SORBS2: variants seen among roughly 807,000 people sequenced by gnomAD.
The protein encoded by SORBS2 is sorbin and SH3 domain-containing protein 2.
A neutral mutation model predicts 97.7 loss-of-function variants in SORBS2; 46 were observed. The observed-to-expected ratio is 0.47, with a 90% confidence interval of 0.37 to 0.60. The LOEUF (loss-of-function observed/expected upper bound fraction) is 0.60, where lower values mean the gene tolerates loss of function less well. Ranked by LOEUF, SORBS2 falls within the 20% of genes least tolerant of loss-of-function variation. The pLI, the probability that SORBS2 is intolerant of heterozygous loss-of-function variation, is 0.00. For missense variants in SORBS2, 1,316 were observed against 1,282.3 expected (o/e 1.03, Z -0.40); for synonymous variants, 476 against 473.4 (o/e 1.01, Z -0.07).
rs188120244 is a variant in SORBS2 at position 185,952,248 on chromosome 4, G to A, written c.-338+3948C>T. 1.2e-3 allele frequency among the ~76,000 whole-genome samples: 188 copies of A among 152,164 alleles called. 1 individual carries two copies. The highest frequency in any genetic ancestry group is 3.5e-3 in the Admixed American group (54 of 15,290). ...TCACCATGTTGGCCAGGCTGGTCTC[G>A]AACTCCTGACCTCAAGAAATCCACC... On this transcript the variant is annotated intron_variant, in intron 1 of 20. Transcript: ENST00000284776.
At chr4:185,710,962 C>G (rs2098414760) in intron 2 of SORBS2, among the ~76,000 whole-genome samples, 1 of 151,634 alleles carries the variant, frequency 6.6e-6, no homozygotes, top group Non-Finnish European at 1.5e-5. Context: ...TTTGGGATAA[C>G]TTTATTTTAT....
At chr4:185,663,453 A>G (rs1446010135) in intron 4 of SORBS2, among the ~76,000 whole-genome samples, 3 of 152,200 alleles carry the variant, frequency 2.0e-5, no homozygotes, top group Non-Finnish European at 4.4e-5. Flanking sequence ...CCTTGTGCTT[A>G]TTGATTAAAT....
At chr4:185,677,508 T>C (rs778291511) in intron 4 of SORBS2, 1 of 1,551,646 alleles carries the variant, frequency 6.4e-7, no homozygotes, top group Non-Finnish European at 8.7e-7. Context: ...AAGAGGTTTT[T>C]TGTTAGCAAA....
chr4:185,934,460 T>A (rs979680336), intron 1 of SORBS2, among the ~76,000 whole-genome samples: 1 of 152,020 alleles, frequency 6.6e-6, no homozygotes, highest in African/African-American at 2.4e-5. Flanking sequence ...TTTTACATAT[T>A]AAAGAACAAA....
chr4:185,765,233 G>A (rs1279510183), intron 2 of SORBS2, among the ~76,000 whole-genome samples: 1 of 152,012 alleles, frequency 6.6e-6, no homozygotes, highest in Non-Finnish European at 1.5e-5. Flanking sequence ...GTTATCTATG[G>A]TCACCTAAAA....
At chr4:185,902,205 C>G (rs2149834000) in intron 1 of SORBS2, among the ~76,000 whole-genome samples, 1 of 152,254 alleles carries the variant, frequency 6.6e-6, no homozygotes, top group South Asian at 2.1e-4. Flanking sequence ...AAGAAAATAT[C>G]ACTTTGAAAT....
intron 1 of SORBS2, among the ~76,000 whole-genome samples, chr4:185,654,341 T>A (rs2097361853): frequency 1.3e-5 from 2 of 152,264 alleles, no homozygotes. Flanking sequence ...AAACCTCATT[T>A]CTTTTACTGT....
rs1023708114 is a variant in SORBS2, at chr4:185,744,473, A to G, written c.-198+30754T>C. 2.0e-5 allele frequency among the ~76,000 whole-genome samples: 3 copies of G among 152,196 alleles called. No homozygotes were observed. The East Asian group carries it at 5.8e-4, about 29-fold the overall frequency. ...TTTAGACTCTGCATCACGAAACGAGATCTATGGTTTTGGTTGAATTTCATA... is the reference window on the plus strand; with the variant it reads ...TTTAGACTCTGCATCACGAAACGAGGTCTATGGTTTTGGTTGAATTTCATA... On this transcript the variant is annotated intron_variant, in intron 2 of 20. Transcript: ENST00000284776.
chr4:185,628,703 T>C (rs2096858104), intron 5 of SORBS2, among the ~76,000 whole-genome samples: 1 of 152,188 alleles, frequency 6.6e-6, no homozygotes. Context: ...GAGCCATGAT[T>C]GCACCACTGC....
intron 5 of SORBS2, among the ~76,000 whole-genome samples, chr4:185,627,497 C>T (rs549119363): frequency 2.6e-5 from 4 of 152,300 alleles, no homozygotes; most frequent in South Asian, 2.1e-4. Context: ...GGATTACAGG[C>T]GTGAACCACT....
At chr4:185,644,815 C>T (rs2097182293) in intron 4 of SORBS2, among the ~76,000 whole-genome samples, 1 of 152,046 alleles carries the variant, frequency 6.6e-6, no homozygotes, top group Admixed American at 6.6e-5. Context: ...TTTTTTAACC[C>T]AAAGACAAGA....
chr4:185,590,176 T>G (rs2095889682), intron 13 of SORBS2, among the ~76,000 whole-genome samples: 1 of 152,218 alleles, frequency 6.6e-6, no homozygotes, highest in African/African-American at 2.4e-5. Flanking sequence ...TAAGTGATAT[T>G]TGTATTATTT....
chr4:185,771,897 G>A (rs992208159), intron 2 of SORBS2: 3 of 152,006 alleles, frequency 2.0e-5, no homozygotes, highest in Admixed American at 2.0e-4. Flanking sequence ...GACCTTCCTG[G>A]GACTGACTCA....
At chr4:185,605,245 A>G (rs1203345607) in intron 12 of SORBS2, among the ~76,000 whole-genome samples, 2 of 152,234 alleles carry the variant, frequency 1.3e-5, no homozygotes, top group Non-Finnish European at 2.9e-5. Context: ...CAGTAATTAT[A>G]CTTGCTTCTT....
At chr4:185,930,994 T>A (rs1478189378) in intron 1 of SORBS2, among the ~76,000 whole-genome samples, 2 of 152,140 alleles carry the variant, frequency 1.3e-5, no homozygotes, top group African/African-American at 2.4e-5. Context: ...TAATAGTAAG[T>A]TAGAGAATGC....
At chr4:185,756,078 G>A (rs962077801) in intron 2 of SORBS2, among the ~76,000 whole-genome samples, 1 of 152,192 alleles carries the variant, frequency 6.6e-6, no homozygotes, top group Non-Finnish European at 1.5e-5. Context: ...GTATGCAAGT[G>A]ATCTGGACTG....
chr4:185,743,416 CAAAT>C (rs2098739417), intron 2 of SORBS2, among the ~76,000 whole-genome samples: 2 of 152,270 alleles, frequency 1.3e-5, no homozygotes, highest in South Asian at 4.1e-4. Flanking sequence ...GAAGAACAGA[CAAAT>C]AGCCCTTCGG....
At chr4:185,768,091 T>C (rs1490376686) in intron 2 of SORBS2, among the ~76,000 whole-genome samples, 2 of 152,206 alleles carry the variant, frequency 1.3e-5, no homozygotes, top group Admixed American at 1.3e-4. Context: ...ATTCCAGCTC[T>C]GAGCTCCTAG....
At chr4:185,867,825 TC>T (rs2099227819) in intron 1 of SORBS2, among the ~76,000 whole-genome samples, 1 of 151,752 alleles carries the variant, frequency 6.6e-6, no homozygotes, top group Non-Finnish European at 1.5e-5. Context: ...GCTCTGGGAG[TC>T]CCCAGAGAGG....
Sources: gnomAD v4.1 joint callset for allele counts (sites outside exome capture counted in the v4.1 genomes callset) on GRCh38, gnomAD v4.1.1 for gene constraint, MANE v1.5 for transcripts, NCBI Gene and HGNC (gene_info 2026-07-23, HGNC 2026-07-21) for gene names.